The following FNBP4 variants were observed in gnomAD, a reference collection of about 807,000 sequenced individuals.
The protein encoded by FNBP4 is formin binding protein 4.
In FNBP4, 34 loss-of-function variants were observed where a neutral mutation model predicts 119.3. The observed-to-expected ratio is 0.28, with a 90% confidence interval of 0.22 to 0.38. FNBP4 has a LOEUF of 0.38. Ranked by LOEUF, FNBP4 falls within the 10% of genes least tolerant of loss-of-function variation. The pLI, the probability that FNBP4 is intolerant of heterozygous loss-of-function variation, is 1.00. For synonymous variants in FNBP4, 462 were observed against 430.6 expected (o/e 1.07, Z -0.90); for missense variants, 1,112 against 1,228.9 (o/e 0.90, Z 1.42).
chr11:47,741,814 C>CGA (rs2097582453), intron 8 of FNBP4, among the ~76,000 whole-genome samples: 1 of 150,724 alleles, frequency 6.6e-6, no homozygotes, highest in African/African-American at 2.4e-5. Context: ...GACTCCGTCT[C>CGA]AAAAAAAAAT....
At chr11:47,741,081 C>G (rs1420487057) in intron 8 of FNBP4, among the ~76,000 whole-genome samples, 1 of 149,398 alleles carries the variant, frequency 6.7e-6, no homozygotes, top group East Asian at 2.0e-4. Context: ...GTTGGCCAGG[C>G]TGGTCTCGAA....
chr11:47,734,987 C>CA (rs999233750), intron 9 of FNBP4, among the ~76,000 whole-genome samples: 1 of 112,350 alleles, frequency 8.9e-6, no homozygotes, highest in African/African-American at 3.1e-5. Flanking sequence ...CACCCCCCCC[C>CA]CCAAAAAAAA....
At chr11:47,724,275 T>G in intron 13 of FNBP4, 103 bp from the exon 14 acceptor site, 1 of 1,531,150 alleles carries the variant, frequency 6.5e-7, no homozygotes, top group Admixed American at 1.8e-5. Flanking sequence ...TTGCACAAGC[T>G]GCAGTGGTGA....
At chr11:47,750,787 G>T in intron 6 of FNBP4, 129 bp downstream of exon 6, 1 of 891,402 alleles carries the variant, frequency 1.1e-6, no homozygotes, top group Non-Finnish European at 1.6e-6. Context: ...GAAACAAAGT[G>T]AAAGTTATGA....
chr11:47,756,553 T>C (rs1383846171), intron 2 of FNBP4, among the ~76,000 whole-genome samples: 1 of 152,136 alleles, frequency 6.6e-6, no homozygotes, highest in East Asian at 1.9e-4. Flanking sequence ...TTTTTTGTTG[T>C]TGTTGTTATA....
chr11:47,751,955 A>G (rs1165426185), intron 4 of FNBP4, among the ~76,000 whole-genome samples: 2 of 152,066 alleles, frequency 1.3e-5, no homozygotes, highest in African/African-American at 4.8e-5. Context: ...CCTCTAAATT[A>G]GTAAATAGAA....
At chr11:47,721,771 G>T (rs1207528837) in intron 15 of FNBP4, among the ~76,000 whole-genome samples, 1 of 151,510 alleles carries the variant, frequency 6.6e-6, no homozygotes, top group Non-Finnish European at 1.5e-5. Flanking sequence ...TGTAAATGTG[G>T]TATTTTATAA....
Position 47,765,379 on chromosome 11 carries a change from G to GAAAAC in FNBP4, c.221-18_221-17insGTTTT. ...CCTGTTCATCTGGATTAAAAAAAAAGAAAAGAAAAGAAAAGAAAAGAAAAG... is the reference window on the plus strand; with the variant it reads ...CCTGTTCATCTGGATTAAAAAAAAAGAAAACAAAAGAAAAGAAAAGAAAAGAAAAG... On this transcript the variant is annotated splice_polypyrimidine_tract_variant and intron_variant, in intron 1 of 16. Coordinates refer to ENST00000263773, the MANE Select transcript of FNBP4 (RefSeq NM_015308.5). 2 of 1,003,508 alleles carry GAAAAC rather than the reference G, an allele frequency of 2.0e-6. No homozygotes were observed. The highest frequency in any genetic ancestry group is 1.5e-5 in the South Asian group (1 of 66,884). The allele number at this position is 1,003,508 out of a possible 1,614,324, so 62.2% of individuals were successfully genotyped here.
Position 47,722,265 on chromosome 11 carries a change from T to A in FNBP4, c.2805+711A>T, listed in dbSNP as rs936211996. Among the ~76,000 whole-genome samples the A allele has an allele frequency of 6.5e-5, 9 of 137,658 alleles. No homozygotes were observed. In the South Asian group the frequency reaches 1.9e-3, roughly 29 times the overall value. 90.3% of individuals were successfully genotyped at this position (137,658 alleles called of 152,430 possible). A position where few individuals can be genotyped will look rare whatever the true frequency, so the allele number is the denominator to read the frequency against. ...TATCCCCGTTTTTCTTTTTTTTTTT[T>A]AAGACAAAGTTTCACTTTTGTCACC... is the stretch of plus-strand genomic sequence containing the variant. On this transcript the variant is annotated intron_variant, in intron 15 of 16. Transcript: ENST00000263773.
At chr11:47,756,830 T>C (rs1196230248) in intron 2 of FNBP4, among the ~76,000 whole-genome samples, 1 of 152,152 alleles carries the variant, frequency 6.6e-6, no homozygotes, top group Non-Finnish European at 1.5e-5. Flanking sequence ...TTGCTCAGAA[T>C]GATGGTTTCC....
chr11:47,733,987 T>A (rs2097570602), intron 10 of FNBP4, 38 bp downstream of exon 10: 1 of 1,065,002 alleles, frequency 9.4e-7, no homozygotes, highest in Admixed American at 2.9e-5. Flanking sequence ...TTCAAACACT[T>A]AACTGTTTAT....
Position 47,744,030 on chromosome 11 carries a change from A to G in FNBP4, c.1379T>C (p.Val460Ala). 2 of 1,614,178 alleles carry G rather than the reference A, an allele frequency of 1.2e-6. No homozygotes were observed. The highest frequency in any genetic ancestry group is 1.7e-6 in the Non-Finnish European group (2 of 1,180,024). The change falls in exon 8 of 17, where the codon GTT (valine) becomes GCT (alanine). Residue 460 changes from valine to alanine, a missense_variant. Around this residue, in one of 2 missense-constraint regions of FNBP4, gnomAD observed 826 missense variants for 988.8 expected, o/e 0.84. Coordinates refer to ENST00000263773, the MANE Select transcript of FNBP4 (RefSeq NM_015308.5). ...GGTAGATTCTGGACTGGTAGCTCGA[A>G]CAAACATCTTCCATTTTCCTCTTTT... Reference protein sequence around the residue: ...MSKRGKWKMFVRATSPESTSR... With the variant: ...MSKRGKWKMFARATSPESTSR...
intron 2 of FNBP4, among the ~76,000 whole-genome samples, chr11:47,760,556 C>T (rs1015625750): frequency 7.2e-5 from 11 of 151,830 alleles, no homozygotes; most frequent in African/African-American, 1.9e-4. Flanking sequence ...CTCAGCCTCC[C>T]GAGCAGCTGG....
intron 4 of FNBP4, 135 bp downstream of exon 4, chr11:47,752,781 T>A (rs2097606852): frequency 1.2e-6 from 1 of 822,466 alleles, no homozygotes; most frequent in Admixed American, 2.6e-5. Flanking sequence ...GCCAGTGCAC[T>A]CCAGCCTGGG....
At chr11:47,731,805 G>C (rs2097567728) in intron 11 of FNBP4, 1 of 1,210,210 alleles carries the variant, frequency 8.3e-7, no homozygotes, top group Non-Finnish European at 1.0e-6. Flanking sequence ...CAACAGATGA[G>C]ACTTAGAAAA....
chr11:47,729,884 T>C, intron 12 of FNBP4: 1 of 985,472 alleles, frequency 1.0e-6, no homozygotes, highest in Non-Finnish European at 1.2e-6. Context: ...CCTGCAATTC[T>C]AGGGGTTCTC....
At chr11:47,737,158 T>A (rs1397706988) in intron 8 of FNBP4, among the ~76,000 whole-genome samples, 1 of 152,018 alleles carries the variant, frequency 6.6e-6, no homozygotes, top group Non-Finnish European at 1.5e-5. Context: ...GCCACTGTAC[T>A]CCAGCCTGGG....
chr11:47,724,382 T>G, intron 13 of FNBP4, 86 bp downstream of exon 13: 1 of 1,598,590 alleles, frequency 6.3e-7, no homozygotes, highest in Non-Finnish European at 8.5e-7. Context: ...TGCCCGGCCT[T>G]TAAACATATG....
chr11:47,754,481 C>T (rs2097611835), intron 3 of FNBP4, 47 bp downstream of exon 3: 4 of 1,598,178 alleles, frequency 2.5e-6, no homozygotes, highest in Non-Finnish European at 3.4e-6. Flanking sequence ...GATCCAGGTC[C>T]CAAAGTAGCT....
Sources: gnomAD v4.1 joint callset for allele counts (sites outside exome capture counted in the v4.1 genomes callset) on GRCh38, gnomAD v4.1.1 for gene constraint, gnomAD v4.1.1 regional missense constraint, MANE v1.5 for transcripts, NCBI Gene and HGNC (gene_info 2026-07-23, HGNC 2026-07-21) for gene names.